Variants in CACNA1A observed in about 807,000 individuals in gnomAD.
The protein encoded by CACNA1A is voltage-dependent P/Q-type calcium channel subunit alpha-1A.
Under a neutral mutation model 262.4 loss-of-function variants are expected in CACNA1A, and 57 were observed. That is an observed-to-expected ratio of 0.22 (90% CI 0.18 to 0.27). The LOEUF (loss-of-function observed/expected upper bound fraction) is 0.27. Among genes scored for constraint, CACNA1A ranks in the 10% least tolerant of loss-of-function variants. The probability of loss-of-function intolerance (pLI) is 1.00; values close to 1 mark genes in which losing one functional copy is unlikely to be tolerated. For synonymous variants in CACNA1A, 1,431 were observed against 1,419.3 expected (o/e 1.01, Z -0.18); for missense variants, 2,526 against 3,562.8 (o/e 0.71, Z 7.41).
chr19:13,344,050 A>G (rs939566177), intron 6 of CACNA1A, among the ~76,000 whole-genome samples: 2 of 151,886 alleles, frequency 1.3e-5, no homozygotes, highest in African/African-American at 2.4e-5. Flanking sequence ...TCTCTAAAAA[A>G]TAAAAATAAA....
At position 13,245,282 on chromosome 19, in the gene CACNA1A, C is replaced by G. The variant is rs770205819; in HGVS notation, c.4867-17G>C. On this transcript the variant is annotated splice_polypyrimidine_tract_variant and intron_variant, in intron 30 of 46. Transcript: ENST00000360228. Reference sequence around the variant, plus strand: ...GAAATAATTCTAGAATGGGGACCCACAAGACAGAGATGCCAACAGAGGGCT... The same window carrying G: ...GAAATAATTCTAGAATGGGGACCCAGAAGACAGAGATGCCAACAGAGGGCT... 2.5e-6 allele frequency: 4 copies of G among 1,608,906 alleles called. No individual in the cohort carries two copies. The highest frequency in any genetic ancestry group is 3.4e-6 in the Non-Finnish European group (4 of 1,175,226).
chr19:13,212,460 A>G lies in CACNA1A; in HGVS notation c.6113T>C (p.Met2038Thr), dbSNP rs747527871. Residue 2038 changes from methionine to threonine, a missense_variant, in exon 42 of 47, where the codon ATG becomes ACG. This residue lies in a region of CACNA1A where 929 missense variants were observed against 868.1 expected (regional missense o/e 1.07). Transcript: ENST00000360228. The surrounding 1 kb of genome is among the most constrained non-coding windows in gnomAD (Gnocchi z 5.6). Reference protein sequence around the residue: ...PSWVTQRAQEMFQKTGTWSPE... With the variant: ...PSWVTQRAQETFQKTGTWSPE... ...ACTCCATGTGCCCGTCTTCTGGAACATCTCCTGGGCACGCTGGGTCACCCA... is the reference window on the plus strand; with the variant it reads ...ACTCCATGTGCCCGTCTTCTGGAACGTCTCCTGGGCACGCTGGGTCACCCA... The G allele has an allele frequency of 3.7e-6, 6 of 1,607,578 alleles. No homozygotes were observed. The South Asian group carries it at 5.6e-5, about 15-fold the overall frequency.
chr19:13,315,196 C>CTTTTTTTTTTTTTT, intron 11 of CACNA1A: 1 of 109,700 alleles, frequency 9.1e-6, no homozygotes, highest in Non-Finnish European at 1.8e-5. Context: ...TAATGTGTAT[C>CTTTTTTTTTTTTTT]TTTTTTTTTT....
chr19:13,230,526 C>T (rs1269604711), intron 35 of CACNA1A, among the ~76,000 whole-genome samples: 3 of 151,802 alleles, frequency 2.0e-5, no homozygotes, highest in Admixed American at 6.6e-5. Flanking sequence ...AAAGACTGGC[C>T]GGGCACGGTG....
At chr19:13,217,033 T>G (rs904415988) in intron 38 of CACNA1A, among the ~76,000 whole-genome samples, 1 of 152,186 alleles carries the variant, frequency 6.6e-6, no homozygotes, top group South Asian at 2.1e-4. Context: ...CTCGGGAGGC[T>G]GAGGCATGAG....
chr19:13,305,877 T>C (rs1182542235), intron 15 of CACNA1A, among the ~76,000 whole-genome samples: 1 of 152,028 alleles, frequency 6.6e-6, no homozygotes, highest in African/African-American at 2.4e-5. Flanking sequence ...CTGGCCAACA[T>C]AGTGAAACCC....
At chr19:13,440,198 A>C (rs562557340) in intron 3 of CACNA1A, among the ~76,000 whole-genome samples, 11 of 152,062 alleles carry the variant, frequency 7.2e-5, no homozygotes, top group African/African-American at 2.7e-4. Context: ...GGCTTGGCTC[A>C]AGCTATCCTC....
intron 31 of CACNA1A, 49 bp downstream of exon 31, chr19:13,245,133 G>T: frequency 6.8e-7 from 1 of 1,471,938 alleles, no homozygotes; most frequent in Non-Finnish European, 9.5e-7. Context: ...CCTGCCGCCT[G>T]CCTCGTCCAG....
At chr19:13,215,969 A>G (rs1246826031) in intron 38 of CACNA1A, among the ~76,000 whole-genome samples, 1 of 152,088 alleles carries the variant, frequency 6.6e-6, no homozygotes, top group African/African-American at 2.4e-5. Flanking sequence ...CGCCCAGGCT[A>G]GAGTGCCGTG....
chr19:13,298,220 C>T (rs1600270054), intron 19 of CACNA1A, among the ~76,000 whole-genome samples: 1 of 144,908 alleles, frequency 6.9e-6, no homozygotes, highest in Non-Finnish European at 1.5e-5. Context: ...AACCTCCGCC[C>T]CCTGTTTTCA....
At position 13,306,196 on chromosome 19, in the gene CACNA1A, A is replaced by T. The variant is rs145127441; in HGVS notation, c.1986+1586T>A. ...AGGAGAGAGTGAAGTCACATTTTCT[A>T]TACACTCTCAGTCCCTCAAAGAGAA... On this transcript the variant is annotated intron_variant, in intron 15 of 46. Coordinates refer to ENST00000360228, the MANE Select transcript of CACNA1A (RefSeq NM_001127222.2). Among the ~76,000 whole-genome samples the T allele has an allele frequency of 2.3e-3, 353 of 152,200 alleles. 1 individual carries two copies. Among genetic ancestry groups the T allele is most frequent in the African/African-American group, 8.3e-3 (343 of 41,538 alleles).
chr19:13,236,266 G>T lies in CACNA1A; in HGVS notation c.4951-536C>A, dbSNP rs1229510388. Among the ~76,000 whole-genome samples, 1 of 152,132 alleles carries T rather than the reference G, an allele frequency of 6.6e-6. No homozygotes were observed. Among genetic ancestry groups the T allele is most frequent in the Non-Finnish European group, 1.5e-5 (1 of 68,034 alleles). ...CAGTCAGGCCTGGTGGACATGTGCG[G>T]GTTCCGAGGGCATGTTACGCTCCGG... is the stretch of plus-strand genomic sequence containing the variant. On this transcript the variant is annotated intron_variant, in intron 31 of 46. Transcript: ENST00000360228. This position sits in a 1 kb window ranked among gnomAD's most constrained non-coding sequence, Gnocchi z 4.6.
chr19:13,349,773 T>C (rs2058873032), intron 6 of CACNA1A, among the ~76,000 whole-genome samples: 1 of 152,192 alleles, frequency 6.6e-6, no homozygotes, highest in African/African-American at 2.4e-5. Context: ...AAAATGGGGA[T>C]ATTAAAGGCC....
chr19:13,473,622 C>T (rs957411350), intron 1 of CACNA1A, among the ~76,000 whole-genome samples: 2 of 152,132 alleles, frequency 1.3e-5, no homozygotes, highest in Non-Finnish European at 2.9e-5. Context: ...TCTGTATTTG[C>T]CTATTCCTTA....
At chr19:13,399,555 C>T (rs984093078) in intron 3 of CACNA1A, among the ~76,000 whole-genome samples, 4 of 152,158 alleles carry the variant, frequency 2.6e-5, no homozygotes, top group Non-Finnish European at 4.4e-5. Context: ...CAAGGCCTAA[C>T]GGTCAAATCC....
At chr19:13,360,329 A>G (rs1457218486) in intron 5 of CACNA1A, among the ~76,000 whole-genome samples, 1 of 146,110 alleles carries the variant, frequency 6.8e-6, no homozygotes, top group African/African-American at 2.6e-5. Flanking sequence ...ACGGGGGGAG[A>G]GAGAGAGCGA....
At position 13,207,448 on chromosome 19, in the gene CACNA1A, G is replaced by A. The variant is rs1178290929; in HGVS notation, c.7386C>T (p.Cys2462=). The A allele has an allele frequency of 1.3e-6, 2 of 1,511,048 alleles. No individual in the cohort carries two copies. The highest frequency in any genetic ancestry group is 2.6e-5 in the East Asian group (1 of 38,308). 93.6% of individuals were successfully genotyped at this position (1,511,048 alleles called of 1,614,324 possible). ...GCCGGCCGTGCCGAGAAGGCGAGGC[G>A]CAGGCCGGGCCCGAGGCCCGGGGAG... ...PRTPRASGPA[C]ASPSRHGRRL... The change falls in exon 47 of 47, where the codon TGC becomes TGT. Residue 2462 remains cysteine, a synonymous_variant. Transcript: ENST00000360228. The surrounding 1 kb of genome is among the most constrained non-coding windows in gnomAD (Gnocchi z 5.7).
At chr19:13,284,669 A>G (rs929815995) in intron 21 of CACNA1A, 1 of 179,828 alleles carries the variant, frequency 5.6e-6, no homozygotes, top group Non-Finnish European at 1.2e-5. Context: ...TTCAGGTCCT[A>G]GGGCTGCCAC....
Position 13,262,727 on chromosome 19 carries a change from A to G in CACNA1A, c.4089+7T>C. Reference sequence around the variant, plus strand: ...CCCCACCGCACCCCACCATCTCCCAATCTCACCTTGAGCTTTGGCAGCCGC... The same window carrying G: ...CCCCACCGCACCCCACCATCTCCCAGTCTCACCTTGAGCTTTGGCAGCCGC... On this transcript the variant is annotated splice_region_variant and intron_variant, in intron 25 of 46. Transcript: ENST00000360228. 2 of 1,593,324 alleles carry G rather than the reference A, an allele frequency of 1.3e-6. No homozygotes were observed. The highest frequency in any genetic ancestry group is 2.2e-5 in the South Asian group (2 of 89,880).
Sources: allele counts gnomAD v4.1 joint callset (sites outside exome capture counted in the v4.1 genomes callset), GRCh38; gene constraint gnomAD v4.1.1; regional missense constraint gnomAD v4.1.1; non-coding constraint Gnocchi (gnomAD v3.1); transcripts MANE v1.5; gene names NCBI Gene and HGNC (gene_info 2026-07-23, HGNC 2026-07-21).